DIAPH3: variants seen among roughly 807,000 people sequenced by gnomAD.
DIAPH3 encodes diaphanous related formin 3.
In DIAPH3, 117 loss-of-function variants were observed where a neutral mutation model predicts 144.3. The observed-to-expected ratio is 0.81, with a 90% CI of 0.70 to 0.95. The LOEUF is 0.95. Ranked by LOEUF, DIAPH3 falls within the 40% of genes least tolerant of loss-of-function variation. The probability of loss-of-function intolerance (pLI) is 0.00; values close to 1 mark genes in which losing one functional copy is unlikely to be tolerated. For synonymous variants in DIAPH3, 519 were observed against 488.9 expected (o/e 1.06, Z -0.81); for missense variants, 1,421 against 1,412.7 (o/e 1.01, Z -0.09).
chr13:59,720,825 T>C (rs2035304482), intron 27 of DIAPH3, among the ~76,000 whole-genome samples: 1 of 152,168 alleles, frequency 6.6e-6, no homozygotes, highest in Non-Finnish European at 1.5e-5. Context: ...TATAAGTCCA[T>C]TTATTTATCT....
At position 59,681,999 on chromosome 13, in the gene DIAPH3, A is replaced by C. The variant is rs569001303; in HGVS notation, c.3320-15153T>G. 2.5e-3 allele frequency among the ~76,000 whole-genome samples: 381 copies of C among 152,310 alleles called. 2 individuals carry two copies. The highest frequency in any genetic ancestry group is 8.7e-3 in the African/African-American group (360 of 41,576). ...TTTTTACTGATATTGCTTCTGACAA[A>C]TATCCTAAAAATATAGTTAGCTCTC... On this transcript the variant is annotated intron_variant, in intron 27 of 27. Transcript: ENST00000400324.
intron 22 of DIAPH3, among the ~76,000 whole-genome samples, chr13:59,847,292 T>C (rs1034053805): frequency 6.6e-6 from 1 of 152,164 alleles, no homozygotes; most frequent in African/African-American, 2.4e-5. Context: ...TGTTTTTACA[T>C]AATACTGCAA....
At chr13:60,003,549 A>C (rs780723489) in intron 9 of DIAPH3, among the ~76,000 whole-genome samples, 7 of 150,174 alleles carry the variant, frequency 4.7e-5, no homozygotes, top group South Asian at 2.1e-4. Context: ...ATCTATCTAT[A>C]TATAGATAGA....
intron 1 of DIAPH3, among the ~76,000 whole-genome samples, chr13:60,140,760 TAC>T (rs747252736): frequency 5.3e-5 from 8 of 152,098 alleles, no homozygotes; most frequent in Non-Finnish European, 1.0e-4. Flanking sequence ...GAGCAGAAAA[TAC>T]AGATTGTTCC....
intron 20 of DIAPH3, among the ~76,000 whole-genome samples, chr13:59,899,548 CA>C (rs2046319111): frequency 6.6e-6 from 1 of 152,074 alleles, no homozygotes; most frequent in Non-Finnish European, 1.5e-5. Context: ...TTGCCTTAGC[CA>C]GGGGGAATGG....
intron 4 of DIAPH3, among the ~76,000 whole-genome samples, chr13:60,052,165 G>T (rs756017557): frequency 3.3e-5 from 5 of 152,056 alleles, no homozygotes; most frequent in Non-Finnish European, 7.4e-5. Context: ...AGTATATAAG[G>T]AGAGAAGTAA....
intron 7 of DIAPH3, among the ~76,000 whole-genome samples, chr13:60,012,014 AG>A (rs1348982998): frequency 6.6e-6 from 1 of 152,158 alleles, no homozygotes; most frequent in Non-Finnish European, 1.5e-5. Flanking sequence ...CTAAAGCATG[AG>A]AACTGACTAA....
chr13:59,714,221 GTA>G (rs1566211133), intron 27 of DIAPH3, among the ~76,000 whole-genome samples: 2 of 151,080 alleles, frequency 1.3e-5, no homozygotes, highest in African/African-American at 4.8e-5. Flanking sequence ...TTAGCCGGGC[GTA>G]GTGGCGGGCG....
Position 59,993,702 on chromosome 13 carries a change from T to TAAAAAAAAAAAAAAAAAAAAAAA in DIAPH3, c.1015-1120_1015-1119insTTTTTTTTTTTTTTTTTTTTTTT, listed in dbSNP as rs3078724. ...GAGAGAGGAAGAAGAGAAACATACT[T>TAAAAAAAAAAAAAAAAAAAAAAA]AAAAAAAAAAAAAAAAAAAACTTAA... is the stretch of plus-strand genomic sequence containing the variant. On this transcript the variant is annotated intron_variant, in intron 9 of 27. Transcript: ENST00000400324. Among the ~76,000 whole-genome samples the TAAAAAAAAAAAAAAAAAAAAAAA allele has an allele frequency of 5.4e-5, 4 of 73,872 alleles. 1 individual carries two copies. Among genetic ancestry groups the TAAAAAAAAAAAAAAAAAAAAAAA allele is most frequent in the African/African-American group, 1.8e-4 (3 of 16,476 alleles). The allele number at this position is 73,872 out of a possible 152,430, so 48.5% of individuals were successfully genotyped here.
In DIAPH3 at chr13:59,991,149, TCCTCTTA is replaced by T. The variant is rs1198526292; in HGVS notation, c.1361+2_1361+8del. 3.3e-6 allele frequency: 5 copies of T among 1,516,996 alleles called. No homozygotes were observed. In the South Asian group the frequency reaches 5.6e-5, roughly 17 times the overall value. 94.0% of individuals were successfully genotyped at this position (1,516,996 alleles called of 1,614,324 possible). A position where few individuals can be genotyped will look rare whatever the true frequency, so the allele number is the denominator to read the frequency against. On this transcript the variant is annotated splice_donor_variant and splice_donor_5th_base_variant and intron_variant, in intron 12 of 27. Coordinates refer to ENST00000400324, the MANE Select transcript of DIAPH3 (RefSeq NM_001042517.2). LOFTEE classifies it high-confidence loss of function. ...TGAAAGAAAACATTAGAATACAACT[TCCTCTTA>T]CCTTATAAAATAATCATTTCGAATC...
At chr13:60,109,512 C>A (rs1469932668) in intron 3 of DIAPH3, among the ~76,000 whole-genome samples, 2 of 150,556 alleles carry the variant, frequency 1.3e-5, no homozygotes, top group African/African-American at 4.9e-5. Context: ...AGGCCAACCA[C>A]ATCCCCAACA....
chr13:59,668,373 T>C (rs1338905491), intron 27 of DIAPH3, among the ~76,000 whole-genome samples: 1 of 152,238 alleles, frequency 6.6e-6, no homozygotes, highest in African/African-American at 2.4e-5. Context: ...TCTTTGCTTA[T>C]TTGATTTCCT....
At chr13:59,729,812 T>TTTTTC (rs1461894467) in intron 27 of DIAPH3, among the ~76,000 whole-genome samples, 3 of 141,466 alleles carry the variant, frequency 2.1e-5, no homozygotes, top group African/African-American at 8.0e-5. Flanking sequence ...ACATTAATAT[T>TTTTTC]TTTTTTTTTT....
At chr13:59,712,661 A>G (rs1247603236) in intron 27 of DIAPH3, among the ~76,000 whole-genome samples, 1 of 152,206 alleles carries the variant, frequency 6.6e-6, no homozygotes, top group Non-Finnish European at 1.5e-5. Flanking sequence ...CCTTCAGAGT[A>G]GGTTGATCTT....
chr13:60,018,532 G>C (rs942734456), intron 5 of DIAPH3, among the ~76,000 whole-genome samples: 7 of 152,048 alleles, frequency 4.6e-5, no homozygotes, highest in African/African-American at 1.2e-4. Flanking sequence ...ACTATTTCTA[G>C]ACCCACTATA....
intron 24 of DIAPH3, among the ~76,000 whole-genome samples, chr13:59,825,865 G>A (rs1356896311): frequency 6.6e-6 from 1 of 151,968 alleles, no homozygotes; most frequent in East Asian, 1.9e-4. Context: ...TATCCTTCAA[G>A]GCTGGTTCAA....
At position 59,909,348 on chromosome 13, in the gene DIAPH3, T is replaced by C. The variant is rs563588651; in HGVS notation, c.2367+2387A>G. ...ACTCTTTGTCCAGTATTTTGTTTTTTTTTTTTTTGGTTAATTATCAAGGAT... is the reference window on the plus strand; with the variant it reads ...ACTCTTTGTCCAGTATTTTGTTTTTCTTTTTTTTGGTTAATTATCAAGGAT... On this transcript the variant is annotated intron_variant, in intron 20 of 27. Transcript: ENST00000400324. Among the ~76,000 whole-genome samples the C allele has an allele frequency of 5.9e-5, 9 of 151,984 alleles. No homozygotes were observed. The East Asian group carries it at 1.7e-3, about 29-fold the overall frequency.
At position 59,947,165 on chromosome 13, in the gene DIAPH3, C is replaced by T. The variant is rs145294483; in HGVS notation, c.2075-22295G>A. ...CTTTCGAGCATGACACAGCTCATAC[C>T]GGAATAATAACTCGCTGATAATTGT... On this transcript the variant is annotated intron_variant, in intron 17 of 27. Coordinates refer to ENST00000400324, the MANE Select transcript of DIAPH3 (RefSeq NM_001042517.2). Among the ~76,000 whole-genome samples, 51 of 152,228 alleles carry T rather than the reference C, an allele frequency of 3.4e-4. No individual in the cohort carries two copies. In the East Asian group the frequency reaches 9.7e-3, roughly 29 times the overall value.
chr13:59,848,208 G>A (rs1296146976), intron 22 of DIAPH3, among the ~76,000 whole-genome samples: 2 of 151,516 alleles, frequency 1.3e-5, no homozygotes, highest in Non-Finnish European at 2.9e-5. Context: ...CAACAGAGCA[G>A]CCAAAGCAAT....
Sources: gnomAD v4.1 joint callset for allele counts (sites outside exome capture counted in the v4.1 genomes callset) on GRCh38, gnomAD v4.1.1 for gene constraint, MANE v1.5 for transcripts, NCBI Gene and HGNC (gene_info 2026-07-23, HGNC 2026-07-21) for gene names.